The following SLC24A4 variants were observed in gnomAD, a reference collection of about 807,000 sequenced individuals.
SLC24A4 encodes the protein solute carrier family 24 member 4, also known as sodium/potassium/calcium exchanger 4.
In SLC24A4, 53 loss-of-function variants were observed where a neutral mutation model predicts 79.0. The observed-to-expected ratio is 0.67, with a 90% confidence interval of 0.54 to 0.84. The LOEUF is 0.84. Ranked by LOEUF, SLC24A4 falls within the 40% of genes least tolerant of loss-of-function variation. The pLI is 0.00. For synonymous variants in SLC24A4, 323 were observed against 323.8 expected (o/e 1.00, Z 0.03); for missense variants, 731 against 822.0 (o/e 0.89, Z 1.35).
At chr14:92,426,862 T>A (rs1297936845) in intron 2 of SLC24A4, among the ~76,000 whole-genome samples, 10 of 152,228 alleles carry the variant, frequency 6.6e-5, no homozygotes, top group African/African-American at 2.4e-4. Flanking sequence ...TTGAGGCTAT[T>A]TAAATTACTT....
At chr14:92,350,633 CATTTCT>C (rs1465313909) in intron 2 of SLC24A4, among the ~76,000 whole-genome samples, 1 of 152,156 alleles carries the variant, frequency 6.6e-6, no homozygotes, top group Non-Finnish European at 1.5e-5. Context: ...CATGAGAGTC[CATTTCT>C]AACATCCAGC....
At chr14:92,483,664 A>G in intron 13 of SLC24A4, 1 of 1,183,796 alleles carries the variant, frequency 8.4e-7, no homozygotes, top group African/African-American at 1.6e-5. Flanking sequence ...GCCACACAGG[A>G]GCCTCCTTCC....
At chr14:92,472,344 G>C (rs10150169) in intron 12 of SLC24A4, among the ~76,000 whole-genome samples, 88,527 of 151,894 alleles carry the variant, frequency 0.58, 25,865 homozygotes, top group East Asian at 0.67. Context: ...TTTCGTGCAC[G>C]CATCACCCAA....
At chr14:92,413,324 G>A (rs1890820923) in intron 2 of SLC24A4, among the ~76,000 whole-genome samples, 1 of 152,062 alleles carries the variant, frequency 6.6e-6, no homozygotes, top group East Asian at 1.9e-4. Flanking sequence ...AGTCTCCTGG[G>A]CTCCCTCCCG....
chr14:92,457,666 G>A (rs1893560682), intron 12 of SLC24A4: 1 of 152,574 alleles, frequency 6.6e-6, no homozygotes, highest in Non-Finnish European at 1.5e-5. Context: ...TAAGCCTTCC[G>A]TGAGGTCCTC....
Position 92,404,679 on chromosome 14 carries a change from A to G in SLC24A4, c.242-29233A>G, listed in dbSNP as rs546197388. ...CTTCCTAACCACCCCCATCTAAAGC[A>G]TGCATCCCTTCACTCCCCTTCACTC... On this transcript the variant is annotated intron_variant, in intron 2 of 16. Coordinates refer to ENST00000532405, the MANE Select transcript of SLC24A4 (RefSeq NM_153646.4). Among the ~76,000 whole-genome samples, 7 of 152,268 alleles carry G rather than the reference A, an allele frequency of 4.6e-5. No individual in the cohort carries two copies. In the East Asian group the frequency reaches 1.2e-3, roughly 25 times the overall value.
At chr14:92,359,343 AG>A (rs1887364357) in intron 2 of SLC24A4, among the ~76,000 whole-genome samples, 1 of 152,160 alleles carries the variant, frequency 6.6e-6, no homozygotes, top group Non-Finnish European at 1.5e-5. Flanking sequence ...TGGGAGGCCA[AG>A]GCAGGCGGAT....
intron 2 of SLC24A4, among the ~76,000 whole-genome samples, chr14:92,336,861 C>T (rs1885837750): frequency 6.6e-6 from 1 of 152,204 alleles, no homozygotes; most frequent in East Asian, 1.9e-4. Flanking sequence ...GGCATTTACG[C>T]AGACAGCAGT....
At chr14:92,454,521 G>T (rs1893344109) in intron 11 of SLC24A4, among the ~76,000 whole-genome samples, 1 of 152,168 alleles carries the variant, frequency 6.6e-6, no homozygotes, top group Non-Finnish European at 1.5e-5. Flanking sequence ...TTTCTCACTT[G>T]CAGAGATAAT....
intron 2 of SLC24A4, among the ~76,000 whole-genome samples, chr14:92,376,192 C>A (rs564606460): frequency 6.6e-6 from 1 of 152,290 alleles, no homozygotes; most frequent in African/African-American, 2.4e-5. Flanking sequence ...CAAATCCTGG[C>A]AAGCTTTGTG....
In SLC24A4 at chr14:92,385,715, C is replaced by T. The variant is rs59864045; in HGVS notation, c.242-48197C>T. On this transcript the variant is annotated intron_variant, in intron 2 of 16. Coordinates refer to ENST00000532405, the MANE Select transcript of SLC24A4 (RefSeq NM_153646.4). ...ATTTGGATGCACTCTGGGGCTTCTG[C>T]GCACCGGCTATCTCCCCCAGCTGCC... Among the ~76,000 whole-genome samples, 1,198 of 151,966 alleles carry T rather than the reference C, an allele frequency of 7.9e-3. 10 individuals are homozygous for T. Among genetic ancestry groups the T allele is most frequent in the African/African-American group, 0.027 (1,111 of 41,424 alleles).
rs569915466 is a variant in SLC24A4, at chr14:92,331,390, C to T, written c.241+5412C>T. Among the ~76,000 whole-genome samples the T allele has an allele frequency of 1.6e-3, 240 of 152,314 alleles. 1 individual carries two copies. Among genetic ancestry groups the T allele is most frequent in the Non-Finnish European group, 2.7e-3 (183 of 68,034 alleles). On this transcript the variant is annotated intron_variant, in intron 2 of 16. Transcript: ENST00000532405. ...TCTCGACCTTCCAGGCTCAAGCCAT[C>T]GCCCACCTCAGCCTCCTGAATAACT...
In SLC24A4 at chr14:92,486,648, C is replaced by T. The variant is rs746249215; in HGVS notation, c.1423-18C>T. 1 of 1,537,408 alleles carries T rather than the reference C, an allele frequency of 6.5e-7. No homozygotes were observed. ...CACTGTTGGTTGAGAGTTCATGTCT[C>T]CACCCCACATTCTGCAGGTGACTAT... is the stretch of plus-strand genomic sequence containing the variant. On this transcript the variant is annotated intron_variant, in intron 13 of 16. Transcript: ENST00000532405.
chr14:92,434,026 C>T (rs750810109), intron 3 of SLC24A4, 38 bp downstream of exon 3: 45 of 1,505,466 alleles, frequency 3.0e-5, no homozygotes, highest in Non-Finnish European at 3.9e-5. Context: ...AAACTTCTGG[C>T]ACATGAAGCC....
At chr14:92,327,255 C>T (rs190398500) in intron 2 of SLC24A4, among the ~76,000 whole-genome samples, 3 of 152,152 alleles carry the variant, frequency 2.0e-5, no homozygotes, top group Admixed American at 1.3e-4. Flanking sequence ...CCGGGAGGGA[C>T]GTGGTGGTGG....
intron 12 of SLC24A4, among the ~76,000 whole-genome samples, chr14:92,465,031 T>C (rs747249273): frequency 3.9e-5 from 6 of 152,344 alleles, no homozygotes; most frequent in Non-Finnish European, 7.3e-5. Context: ...ATGGCAGCCC[T>C]GCTGGGTAGC....
At chr14:92,351,915 G>A (rs57027749) in intron 2 of SLC24A4, among the ~76,000 whole-genome samples, 10,132 of 140,134 alleles carry the variant, frequency 0.072, 513 homozygotes, top group Non-Finnish European at 0.12. Context: ...GGAAGGAAAG[G>A]AAGGAAAGGA....
intron 2 of SLC24A4, among the ~76,000 whole-genome samples, chr14:92,363,177 C>T (rs1887632236): frequency 6.6e-6 from 1 of 152,254 alleles, no homozygotes; most frequent in Non-Finnish European, 1.5e-5. Flanking sequence ...CTGCTTGCTT[C>T]CAGCCCGTGC....
intron 13 of SLC24A4, among the ~76,000 whole-genome samples, chr14:92,486,242 G>A (rs1183197590): frequency 6.6e-6 from 1 of 152,186 alleles, no homozygotes; most frequent in African/African-American, 2.4e-5. Context: ...GGGAAACTGA[G>A]GACCAAAGAG....
Sources: gnomAD v4.1 joint callset for allele counts (sites outside exome capture counted in the v4.1 genomes callset) on GRCh38, gnomAD v4.1.1 for gene constraint, MANE v1.5 for transcripts, NCBI Gene and HGNC (gene_info 2026-07-23, HGNC 2026-07-21) for gene names.